The following RBFOX1 variants were observed in gnomAD, a reference collection of about 807,000 sequenced individuals.
RBFOX1 encodes RNA binding fox-1 homolog 1.
In RBFOX1, 8 loss-of-function variants were observed where a neutral mutation model predicts 57.7. That is an observed-to-expected ratio of 0.14 (90% CI 0.08 to 0.25). RBFOX1 has a LOEUF of 0.25. RBFOX1 is among the 10% of genes least tolerant of loss of function. The probability of loss-of-function intolerance (pLI) is 1.00; values close to 1 mark genes in which losing one functional copy is unlikely to be tolerated. For missense variants in RBFOX1, 611 were observed against 548.5 expected (o/e 1.11, Z -1.14); for synonymous variants, 326 against 222.4 (o/e 1.47, Z -4.15).
intron 4 of RBFOX1, among the ~76,000 whole-genome samples, chr16:7,257,564 C>G (rs2094743284): frequency 6.6e-6 from 1 of 152,102 alleles, no homozygotes; most frequent in Non-Finnish European, 1.5e-5. Context: ...CCCATTCCAG[C>G]CCACCGTTGC....
intron 3 of RBFOX1, among the ~76,000 whole-genome samples, chr16:6,880,147 C>A (rs777968577): frequency 1.3e-5 from 2 of 152,090 alleles, no homozygotes; most frequent in African/African-American, 2.4e-5. Flanking sequence ...GTTAGATGCA[C>A]AGTTCTCTAA....
At chr16:7,460,746 A>G (rs1172385964) in intron 4 of RBFOX1, among the ~76,000 whole-genome samples, 1 of 152,056 alleles carries the variant, frequency 6.6e-6, no homozygotes, top group Non-Finnish European at 1.5e-5. Context: ...ATCTAAATGA[A>G]TGAATGAATA....
chr16:7,155,698 C>CA (rs1204208973), intron 4 of RBFOX1, among the ~76,000 whole-genome samples: 347 of 24,212 alleles, frequency 0.014, 7 homozygotes, highest in African/African-American at 0.027. Context: ...CTCCTCCCAC[C>CA]AAAAAAAAAA....
chr16:7,124,293 G>C (rs1190094974), intron 4 of RBFOX1, among the ~76,000 whole-genome samples: 1 of 152,014 alleles, frequency 6.6e-6, no homozygotes, highest in Non-Finnish European at 1.5e-5. Flanking sequence ...GTGTGCCTTT[G>C]GTTCTAGCTA....
chr16:7,328,582 C>T (rs1037132869), intron 4 of RBFOX1: 4 of 148,578 alleles, frequency 2.7e-5, no homozygotes, highest in African/African-American at 7.4e-5. Context: ...GGAGTTAATA[C>T]CTAAGAAGGA....
intron 1 of RBFOX1, among the ~76,000 whole-genome samples, chr16:6,112,682 A>G (rs948328422): frequency 1.3e-5 from 2 of 152,014 alleles, no homozygotes; most frequent in Non-Finnish European, 2.9e-5. Context: ...CAAGAGCAAA[A>G]CTCCGTCTCA....
intron 2 of RBFOX1, among the ~76,000 whole-genome samples, chr16:5,560,683 A>G (rs1310928809): frequency 2.6e-5 from 4 of 152,200 alleles, no homozygotes; most frequent in African/African-American, 2.4e-5. Context: ...ATCTCAGCGT[A>G]GTCTGTGCTC....
At chr16:7,189,238 A>G (rs2084705887) in intron 4 of RBFOX1, among the ~76,000 whole-genome samples, 1 of 151,890 alleles carries the variant, frequency 6.6e-6, no homozygotes, top group Admixed American at 6.6e-5. Flanking sequence ...ATCCTGGCTA[A>G]CACAGTGAAA....
chr16:5,439,303 C>A (rs9937809), intron 1 of RBFOX1, among the ~76,000 whole-genome samples: 3 of 151,818 alleles, frequency 2.0e-5, no homozygotes, highest in African/African-American at 7.3e-5. Flanking sequence ...GGAAAGCAAA[C>A]AGACTTTATT....
At chr16:7,676,139 C>T (rs763937472) in intron 13 of RBFOX1, among the ~76,000 whole-genome samples, 10 of 152,120 alleles carry the variant, frequency 6.6e-5, no homozygotes, top group Non-Finnish European at 1.0e-4. Flanking sequence ...ACAAATTCTC[C>T]GTCTGAAGCA....
At chr16:7,504,787 T>TTATATATATATATATA (rs1230576283) in intron 4 of RBFOX1, among the ~76,000 whole-genome samples, 1 of 9,370 alleles carries the variant, frequency 1.1e-4, no homozygotes, top group Non-Finnish European at 2.8e-4. Flanking sequence ...ATATATATAT[T>TTATATATATATATATA]TATATATATA....
At chr16:7,020,995 G>T (rs112555800) in intron 3 of RBFOX1, among the ~76,000 whole-genome samples, 153 of 152,262 alleles carry the variant, frequency 1.0e-3, no homozygotes, top group African/African-American at 3.6e-3. Context: ...GGGCATAGTG[G>T]CAGGCATCTG....
rs200620958 is a variant in RBFOX1 at position 6,999,225 on chromosome 16, A to ATTTTAT, written c.-15-52829_-15-52828insTATTTT. Among the ~76,000 whole-genome samples, 790 of 122,852 alleles carry ATTTTAT rather than the reference A, an allele frequency of 6.4e-3. 20 individuals carry two copies. The highest frequency in any genetic ancestry group is 0.022 in the African/African-American group (765 of 34,182). The allele number at this position is 122,852 out of a possible 152,430, so 80.6% of individuals were successfully genotyped here. Reference sequence around the variant, plus strand: ...TTTTTTATTTTTATTTATTTTTTTTATTTATTTTTTTTTTTAGAGATCAGG... The same window carrying ATTTTAT: ...TTTTTTATTTTTATTTATTTTTTTTATTTTATTTTATTTTTTTTTTTAGAGATCAGG... On this transcript the variant is annotated intron_variant, in intron 3 of 15. Transcript: ENST00000550418.
intron 3 of RBFOX1, among the ~76,000 whole-genome samples, chr16:5,736,377 G>T (rs915713330): frequency 1.3e-5 from 2 of 152,208 alleles, no homozygotes; most frequent in East Asian, 1.9e-4. Flanking sequence ...TCCTAAAAGT[G>T]CACCCGAGTA....
intron 2 of RBFOX1, among the ~76,000 whole-genome samples, chr16:5,590,694 T>G (rs7206258): frequency 0.2 from 30,033 of 152,032 alleles, 3,301 homozygotes; most frequent in East Asian, 0.32. Context: ...GCATTGCCTT[T>G]TGGTCACCCT....
At chr16:6,599,507 A>C (rs924393828) in intron 2 of RBFOX1, among the ~76,000 whole-genome samples, 1 of 152,208 alleles carries the variant, frequency 6.6e-6, no homozygotes, top group Non-Finnish European at 1.5e-5. Flanking sequence ...TTAAACACTA[A>C]TAAGTGAGAG....
intron 3 of RBFOX1, among the ~76,000 whole-genome samples, chr16:6,923,443 G>C (rs2074926259): frequency 6.6e-6 from 1 of 152,184 alleles, no homozygotes. Flanking sequence ...TGAGGAAGGA[G>C]AGTTGCTGGA....
chr16:6,400,568 AG>A (rs148948086), intron 2 of RBFOX1, among the ~76,000 whole-genome samples: 7,281 of 152,298 alleles, frequency 0.048, 617 homozygotes, highest in African/African-American at 0.17. Flanking sequence ...ATATAGTAAA[AG>A]GATGGGAATA....
intron 4 of RBFOX1, among the ~76,000 whole-genome samples, chr16:7,456,408 G>T (rs753707682): frequency 1.3e-5 from 2 of 152,238 alleles, no homozygotes; most frequent in African/African-American, 2.4e-5. Context: ...TTTATGGGCC[G>T]GGATTAATTC....
Sources: gnomAD v4.1 joint callset for allele counts (sites outside exome capture counted in the v4.1 genomes callset) on GRCh38, gnomAD v4.1.1 for gene constraint, MANE v1.5 for transcripts, NCBI Gene and HGNC (gene_info 2026-07-23, HGNC 2026-07-21) for gene names.